AMBRA1: variants seen among roughly 807,000 people sequenced by gnomAD.
AMBRA1 encodes activating molecule in BECN1-regulated autophagy protein 1.
AMBRA1 carries 47 observed loss-of-function variants against 125.4 expected under a neutral mutation model. That is an observed-to-expected ratio of 0.37 (90% CI 0.30 to 0.48). The LOEUF (loss-of-function observed/expected upper bound fraction) is 0.48, where lower values mean the gene tolerates loss of function less well. AMBRA1 is among the 20% of genes least tolerant of loss of function. The probability of loss-of-function intolerance (pLI) is 0.99; values close to 1 mark genes in which losing one functional copy is unlikely to be tolerated. For missense variants in AMBRA1, 1,331 were observed against 1,693.4 expected (o/e 0.79, Z 3.76); for synonymous variants, 626 against 655.5 (o/e 0.95, Z 0.69).
chr11:46,500,376 A>G (rs1251067254), intron 9 of AMBRA1, among the ~76,000 whole-genome samples: 2 of 152,210 alleles, frequency 1.3e-5, no homozygotes, highest in Non-Finnish European at 2.9e-5. Context: ...CTTAGAAAAC[A>G]TCAAGCCCTC....
chr11:46,541,236 A>G (rs1952721778), intron 7 of AMBRA1, among the ~76,000 whole-genome samples: 1 of 152,208 alleles, frequency 6.6e-6, no homozygotes, highest in South Asian at 2.1e-4. Context: ...CCCATGAAAG[A>G]GTTGGCTAGG....
chr11:46,552,396 A>T (rs1381221939), intron 1 of AMBRA1, among the ~76,000 whole-genome samples: 24 of 135,446 alleles, frequency 1.8e-4, no homozygotes, highest in Non-Finnish European at 2.9e-4. Flanking sequence ...AAAAAAAAAA[A>T]AAAAAAAAAG....
chr11:46,445,885 A>G (rs1038314423), intron 11 of AMBRA1, among the ~76,000 whole-genome samples: 9 of 152,246 alleles, frequency 5.9e-5, no homozygotes, highest in Non-Finnish European at 8.8e-5. Context: ...AACAAACTTC[A>G]TATTTTAAGA....
At chr11:46,541,876 T>C in intron 7 of AMBRA1, 69 bp downstream of exon 7, 3 of 1,575,482 alleles carry the variant, frequency 1.9e-6, no homozygotes, top group Non-Finnish European at 1.7e-6. Flanking sequence ...CCACAACATC[T>C]ATAGGACTCA....
intron 15 of AMBRA1, among the ~76,000 whole-genome samples, chr11:46,411,648 T>C (rs1278985768): frequency 6.6e-6 from 1 of 152,102 alleles, no homozygotes; most frequent in Non-Finnish European, 1.5e-5. Flanking sequence ...TTTGTATTTT[T>C]AGTAGAGATG....
chr11:46,403,722 G>C (rs1945871114), intron 17 of AMBRA1, among the ~76,000 whole-genome samples: 1 of 152,166 alleles, frequency 6.6e-6, no homozygotes, highest in South Asian at 2.1e-4. Context: ...TACCCCTGTG[G>C]AGGGCTCCTC....
intron 16 of AMBRA1, among the ~76,000 whole-genome samples, chr11:46,408,987 G>A (rs1347056712): frequency 2.0e-5 from 3 of 152,218 alleles, no homozygotes; most frequent in South Asian, 2.1e-4. Flanking sequence ...GGCCCCTGTC[G>A]GGGAGTGGGG....
intron 1 of AMBRA1, among the ~76,000 whole-genome samples, chr11:46,551,113 A>G (rs2042982250): frequency 6.6e-6 from 1 of 151,554 alleles, no homozygotes; most frequent in East Asian, 1.9e-4. Context: ...AAAAAAAAAA[A>G]AAGAATAGAT....
At chr11:46,488,085 T>C (rs920120716) in intron 11 of AMBRA1, among the ~76,000 whole-genome samples, 49 of 152,206 alleles carry the variant, frequency 3.2e-4, no homozygotes, top group African/African-American at 1.2e-3. Flanking sequence ...GTAAAATAGT[T>C]AATTCATCAG....
In AMBRA1 at chr11:46,399,363, C is replaced by T. The variant is rs563589780; in HGVS notation, c.3404-1420G>A. 2.8e-3 allele frequency among the ~76,000 whole-genome samples: 423 copies of T among 152,266 alleles called. 1 individual carries two copies. Among genetic ancestry groups the T allele is most frequent in the African/African-American group, 1.0e-2 (414 of 41,548 alleles). The stretch of plus-strand genomic sequence containing the variant: ...GGCTGGGATTATAGGCATGAGCCAC[C>T]GTGCCCAGCCTTTGTTTTTTGAGAT... On this transcript the variant is annotated intron_variant, in intron 17 of 17. Transcript: ENST00000683756.
intron 1 of AMBRA1, among the ~76,000 whole-genome samples, chr11:46,592,720 T>C (rs2044648726): frequency 6.6e-6 from 1 of 151,412 alleles, no homozygotes; most frequent in African/African-American, 2.4e-5. Context: ...ATCGCGCCAC[T>C]GCACTCCAGT....
chr11:46,547,590 G>T (rs1299748639), intron 3 of AMBRA1, among the ~76,000 whole-genome samples: 1 of 152,156 alleles, frequency 6.6e-6, no homozygotes. Flanking sequence ...GATTGTTATT[G>T]AGAAACTTTC....
At chr11:46,416,589 A>T (rs1946557249) in intron 15 of AMBRA1, among the ~76,000 whole-genome samples, 1 of 152,218 alleles carries the variant, frequency 6.6e-6, no homozygotes, top group South Asian at 2.1e-4. Flanking sequence ...CTACCAGGCC[A>T]CATGAGCTGA....
chr11:46,425,084 A>T (rs1947057393), intron 14 of AMBRA1, among the ~76,000 whole-genome samples: 2 of 152,178 alleles, frequency 1.3e-5, no homozygotes, highest in Admixed American at 1.3e-4. Flanking sequence ...CAGTTAGCCG[A>T]GATCACGCCA....
chr11:46,441,534 G>GA (rs1948008375), intron 12 of AMBRA1, among the ~76,000 whole-genome samples: 1 of 151,824 alleles, frequency 6.6e-6, no homozygotes, highest in African/African-American at 2.4e-5. Context: ...AGATCAAGCT[G>GA]TACAAGTACA....
intron 1 of AMBRA1, among the ~76,000 whole-genome samples, chr11:46,554,032 C>T (rs890405608): frequency 2.0e-5 from 3 of 152,122 alleles, no homozygotes; most frequent in South Asian, 2.1e-4. Context: ...GGTAGCCCTT[C>T]GGTCAAACTG....
intron 7 of AMBRA1, among the ~76,000 whole-genome samples, chr11:46,537,762 A>T (rs558423180): frequency 6.6e-6 from 1 of 152,230 alleles, no homozygotes; most frequent in Admixed American, 6.5e-5. Context: ...TACCCTCACT[A>T]TTTGCAAACA....
At chr11:46,525,080 C>A (rs1483712423) in intron 7 of AMBRA1, among the ~76,000 whole-genome samples, 1 of 151,606 alleles carries the variant, frequency 6.6e-6, no homozygotes, top group African/African-American at 2.4e-5. Context: ...CAAGAGGATA[C>A]CTTGAGCCCA....
intron 1 of AMBRA1, among the ~76,000 whole-genome samples, chr11:46,585,982 T>C (rs2044385285): frequency 6.6e-6 from 1 of 151,246 alleles, no homozygotes; most frequent in African/African-American, 2.4e-5. Flanking sequence ...ATTTGTATTT[T>C]TAGCAGAGAC....
Sources: gnomAD v4.1 joint callset for allele counts (sites outside exome capture counted in the v4.1 genomes callset) on GRCh38, gnomAD v4.1.1 for gene constraint, MANE v1.5 for transcripts, NCBI Gene and HGNC (gene_info 2026-07-23, HGNC 2026-07-21) for gene names.